NSD2: variants seen among roughly 807,000 people sequenced by gnomAD.
NSD2 encodes the protein histone-lysine N-methyltransferase NSD2.
Under a neutral mutation model 139.0 loss-of-function variants are expected in NSD2, and 12 were observed. The observed-to-expected ratio is 0.09, with a 90% CI of 0.06 to 0.14. NSD2 has a LOEUF of 0.14. Ranked by LOEUF, NSD2 falls within the 10% of genes least tolerant of loss-of-function variation. NSD2 has a pLI of 1.00. For missense variants in NSD2, 1,155 were observed against 1,745.0 expected (o/e 0.66, Z 6.02); for synonymous variants, 669 against 648.7 (o/e 1.03, Z -0.48).
At position 1,978,750 on chromosome 4, in the gene NSD2, C is replaced by T. The variant is rs1270062785; in HGVS notation, c.3939C>T (p.Phe1313=). 3 of 1,614,144 alleles carry T rather than the reference C, an allele frequency of 1.9e-6. No homozygotes were observed. The highest frequency in any genetic ancestry group is 2.7e-5 in the African/African-American group (2 of 75,062). The part of the protein sequence containing the change: ...FCKEHQDGTA[F]SCTPDGRSYC... ...AGGAGCACCAGGACGGGACAGCCTTCAGCTGCACCCCGGACGGGCGGTCCT... is the reference window on the plus strand; with the variant it reads ...AGGAGCACCAGGACGGGACAGCCTTTAGCTGCACCCCGGACGGGCGGTCCT... Residue 1313 remains phenylalanine, a synonymous_variant, in exon 22 of 22, where the codon TTC becomes TTT. Transcript: ENST00000508803.
chr4:1,874,774 T>C (rs1474012899), intron 1 of NSD2, among the ~76,000 whole-genome samples: 2 of 152,086 alleles, frequency 1.3e-5, no homozygotes, highest in East Asian at 1.9e-4. Context: ...TAAAAAAATA[T>C]AAAGTACACA....
intron 1 of NSD2, among the ~76,000 whole-genome samples, chr4:1,879,330 T>G (rs982656082): frequency 6.6e-6 from 1 of 152,138 alleles, no homozygotes; most frequent in Non-Finnish European, 1.5e-5. Flanking sequence ...ACCATTCTCC[T>G]GCCTCAGCCT....
At chr4:1,966,340 T>C (rs758671697) in intron 18 of NSD2, among the ~76,000 whole-genome samples, 7 of 127,282 alleles carry the variant, frequency 5.5e-5, no homozygotes, top group African/African-American at 8.7e-5. Context: ...ATAACTCCAT[T>C]TGTTTGTTTG....
At chr4:1,896,449 G>T (rs555753497) in intron 1 of NSD2, among the ~76,000 whole-genome samples, 1 of 152,356 alleles carries the variant, frequency 6.6e-6, no homozygotes, top group South Asian at 2.1e-4. Flanking sequence ...GCTCACTGCA[G>T]TGTCAACCTC....
In NSD2 at chr4:1,976,016, C is replaced by T. The variant is rs1010215363; in HGVS notation, c.3622-459C>T. On this transcript the variant is annotated intron_variant, in intron 20 of 21. Transcript: ENST00000508803. This position sits in a 1 kb window ranked among gnomAD's most constrained non-coding sequence, Gnocchi z 5.3. ...TGAAAGCCTGGCGGTGGCACCAGCT[C>T]GGCCCTGAGCCGGTGTCTGTCCTCA... Among the ~76,000 whole-genome samples, 5 of 152,294 alleles carry T rather than the reference C, an allele frequency of 3.3e-5. No homozygotes were observed. Among genetic ancestry groups the T allele is most frequent in the Middle Eastern group, 3.4e-3 (1 of 294 alleles).
intron 7 of NSD2, among the ~76,000 whole-genome samples, chr4:1,936,272 T>C (rs1450480011): frequency 6.6e-6 from 1 of 152,254 alleles, no homozygotes; most frequent in Non-Finnish European, 1.5e-5. Flanking sequence ...TCCTAGTGTA[T>C]GAAGTGGTGC....
At chr4:1,959,185 G>A (rs1191881035) in intron 16 of NSD2, among the ~76,000 whole-genome samples, 1 of 152,196 alleles carries the variant, frequency 6.6e-6, no homozygotes, top group Non-Finnish European at 1.5e-5. Context: ...ACAATGGCCT[G>A]GCTGGATACG....
Position 1,890,096 on chromosome 4 carries a change from T to C in NSD2, c.-29-10530T>C, listed in dbSNP as rs114209896. Among the ~76,000 whole-genome samples, 977 of 152,284 alleles carry C rather than the reference T, an allele frequency of 6.4e-3. 6 individuals carry two copies. Among genetic ancestry groups the C allele is most frequent in the African/African-American group, 0.023 (944 of 41,542 alleles). ...AATCATACAGCATGTGGCCTTTGTATCTAGCTTCTTTCACTTAGCATCATG... is the reference window on the plus strand; with the variant it reads ...AATCATACAGCATGTGGCCTTTGTACCTAGCTTCTTTCACTTAGCATCATG... On this transcript the variant is annotated intron_variant, in intron 1 of 21. Coordinates refer to ENST00000508803, the MANE Select transcript of NSD2 (RefSeq NM_001042424.3).
rs1467887134 is a variant in NSD2 at position 1,974,112 on chromosome 4, C to T, written c.3373-751C>T. 3.9e-5 allele frequency among the ~76,000 whole-genome samples: 6 copies of T among 152,218 alleles called. No homozygotes were observed. The highest frequency in any genetic ancestry group is 8.8e-5 in the Non-Finnish European group (6 of 68,050). ...CACATCAGCGCCATGGGTGCAAAGT[C>T]AGAGCTCACTGTCACTCGGATCTGC... On this transcript the variant is annotated intron_variant, in intron 18 of 21. Coordinates refer to ENST00000508803, the MANE Select transcript of NSD2 (RefSeq NM_001042424.3). The surrounding 1 kb of genome is among the most constrained non-coding windows in gnomAD (Gnocchi z 4.0).
At chr4:1,946,144 A>C (rs1399001725) in intron 9 of NSD2, 10 of 1,027,148 alleles carry the variant, frequency 9.7e-6, no homozygotes, top group Non-Finnish European at 1.2e-5. Flanking sequence ...GCTAAATTAT[A>C]GTCTTTTGCC....
chr4:1,909,360 TTCA>T (rs779776709), intron 3 of NSD2, among the ~76,000 whole-genome samples: 3 of 152,098 alleles, frequency 2.0e-5, no homozygotes, highest in Non-Finnish European at 2.9e-5. Context: ...GCTGGTTGTG[TTCA>T]TTGCTCTGGG....
chr4:1,947,181 C>T, intron 9 of NSD2: 1 of 1,064,660 alleles, frequency 9.4e-7, no homozygotes, highest in Non-Finnish European at 1.1e-6. Context: ...AGCACACTCC[C>T]TGTGGGATGG....
intron 3 of NSD2, among the ~76,000 whole-genome samples, chr4:1,913,709 C>T (rs1718986754): frequency 6.6e-6 from 1 of 152,144 alleles, no homozygotes; most frequent in Non-Finnish European, 1.5e-5. Flanking sequence ...CCTTACCCTG[C>T]CCCCTTGCCT....
At chr4:1,950,510 T>C (rs557431201) in intron 9 of NSD2, among the ~76,000 whole-genome samples, 1 of 152,326 alleles carries the variant, frequency 6.6e-6, no homozygotes, top group African/African-American at 2.4e-5. Context: ...CAGCCTGTGG[T>C]GTGAGTCCGG....
intron 18 of NSD2, among the ~76,000 whole-genome samples, chr4:1,964,672 C>A (rs1725704390): frequency 6.6e-6 from 1 of 152,124 alleles, no homozygotes; most frequent in Admixed American, 6.5e-5. Flanking sequence ...GTTACAAGCC[C>A]CTCCCCCTCC....
intron 1 of NSD2, among the ~76,000 whole-genome samples, chr4:1,885,129 T>TA (rs1179922453): frequency 3.3e-5 from 5 of 150,640 alleles, no homozygotes; most frequent in East Asian, 1.9e-4. Context: ...AAAATAAAAA[T>TA]AAAAAAAATA....
At chr4:1,977,076 C>T (rs529135372) in intron 21 of NSD2, among the ~76,000 whole-genome samples, 4 of 152,348 alleles carry the variant, frequency 2.6e-5, no homozygotes, top group Admixed American at 6.5e-5. Context: ...CCAGAGGGGC[C>T]TGGCCTGGCT....
intron 7 of NSD2, among the ~76,000 whole-genome samples, chr4:1,936,948 T>G (rs1201930305): frequency 6.6e-6 from 1 of 152,214 alleles, no homozygotes; most frequent in East Asian, 1.9e-4. Context: ...TAGGTGAGGT[T>G]GTTGAGTGAT....
At chr4:1,888,377 C>T (rs1299620800) in intron 1 of NSD2, among the ~76,000 whole-genome samples, 1 of 128,306 alleles carries the variant, frequency 7.8e-6, no homozygotes, top group South Asian at 2.7e-4. Flanking sequence ...CAGGCCACTG[C>T]ACTCCAGCCT....
Sources: allele counts gnomAD v4.1 joint callset (sites outside exome capture counted in the v4.1 genomes callset), GRCh38; gene constraint gnomAD v4.1.1; non-coding constraint Gnocchi (gnomAD v3.1); transcripts MANE v1.5; gene names NCBI Gene and HGNC (gene_info 2026-07-23, HGNC 2026-07-21).